Variants in CIB4 observed in about 807,000 individuals in gnomAD.
The protein encoded by CIB4 is calcium and integrin-binding family member 4.
A neutral mutation model predicts 25.8 loss-of-function variants in CIB4; 25 were observed. The ratio of observed to expected loss-of-function variants is 0.97; its 90% CI spans 0.71 to 1.35. The LOEUF is 1.35. Among genes scored for constraint, CIB4 ranks in the 40% most tolerant of loss-of-function variants. The pLI, the probability that CIB4 is intolerant of heterozygous loss-of-function variation, is 0.00. For synonymous variants in CIB4, 75 were observed against 81.4 expected (o/e 0.92, Z 0.42); for missense variants, 235 against 228.2 (o/e 1.03, Z -0.19).
chr2:26,585,245 G>A (rs1280706751), intron 4 of CIB4, among the ~76,000 whole-genome samples: 3 of 151,332 alleles, frequency 2.0e-5, no homozygotes, highest in Non-Finnish European at 4.4e-5. Flanking sequence ...GGGGAGCCAG[G>A]GACGGCGGCA....
chr2:26,621,678 G>A (rs1309126549), intron 3 of CIB4, among the ~76,000 whole-genome samples: 1 of 152,132 alleles, frequency 6.6e-6, no homozygotes, highest in Non-Finnish European at 1.5e-5. Context: ...CAAAAGAAGG[G>A]GAGTAAATGG....
intron 2 of CIB4, among the ~76,000 whole-genome samples, chr2:26,636,014 C>A (rs1669525940): frequency 6.6e-6 from 1 of 152,240 alleles, no homozygotes. Context: ...AGTTTGCAAG[C>A]ATTTTGCTAT....
At chr2:26,595,749 G>T (rs1668669647) in intron 3 of CIB4, among the ~76,000 whole-genome samples, 2 of 152,246 alleles carry the variant, frequency 1.3e-5, no homozygotes, top group South Asian at 4.1e-4. Context: ...CAGGCTCACT[G>T]CCCAAGCGCA....
At chr2:26,590,216 T>C (rs1037522563) in intron 4 of CIB4, among the ~76,000 whole-genome samples, 2 of 117,648 alleles carry the variant, frequency 1.7e-5, no homozygotes, top group Admixed American at 1.2e-4. Flanking sequence ...ACATACCCAA[T>C]ACCATTCCAT....
At chr2:26,603,288 A>G (rs1363811318) in intron 3 of CIB4, among the ~76,000 whole-genome samples, 2 of 152,348 alleles carry the variant, frequency 1.3e-5, no homozygotes, top group East Asian at 3.9e-4. Flanking sequence ...GGATCCTGAC[A>G]CAGATCAAAA....
At chr2:26,630,522 T>C (rs899505842) in intron 2 of CIB4, among the ~76,000 whole-genome samples, 6 of 152,136 alleles carry the variant, frequency 3.9e-5, no homozygotes, top group Non-Finnish European at 7.4e-5. Context: ...TGAAGGAGGC[T>C]GAAGGGTATG....
At chr2:26,623,035 A>C (rs56714320) in intron 3 of CIB4, among the ~76,000 whole-genome samples, 1 of 151,434 alleles carries the variant, frequency 6.6e-6, no homozygotes, top group Admixed American at 6.6e-5. Context: ...ACTAAAAAAA[A>C]TTTTTTTTAA....
At chr2:26,614,334 T>G (rs1342712491) in intron 3 of CIB4, among the ~76,000 whole-genome samples, 2 of 152,194 alleles carry the variant, frequency 1.3e-5, no homozygotes, top group African/African-American at 4.8e-5. Flanking sequence ...GCCGAGGGAC[T>G]GGATGAGCAT....
chr2:26,606,794 C>T (rs2148207290), intron 3 of CIB4, among the ~76,000 whole-genome samples: 1 of 152,284 alleles, frequency 6.6e-6, no homozygotes, highest in East Asian at 1.9e-4. Context: ...GTTTGAGATG[C>T]TCAACCTTCC....
In CIB4 at chr2:26,632,532, G is replaced by A. The variant is rs539273244; in HGVS notation, c.90-3026C>T. On this transcript the variant is annotated intron_variant, in intron 2 of 6. Coordinates refer to ENST00000288861, the MANE Select transcript of CIB4 (RefSeq NM_001029881.3). The stretch of plus-strand genomic sequence containing the variant: ...AGCACTATGGGAGGCTGAGGCAGGC[G>A]GATCACTGGAGGTCAGGAGTTCGAG... Among the ~76,000 whole-genome samples, 517 of 152,202 alleles carry A rather than the reference G, an allele frequency of 3.4e-3. 2 individuals carry two copies. The highest frequency in any genetic ancestry group is 5.8e-3 in the Non-Finnish European group (393 of 68,006).
At chr2:26,626,219 A>G (rs1396763643) in intron 3 of CIB4, among the ~76,000 whole-genome samples, 1 of 152,180 alleles carries the variant, frequency 6.6e-6, no homozygotes, top group Admixed American at 6.5e-5. Context: ...TCACTTGCCG[A>G]AGATCATGTG....
chr2:26,617,120 A>ATGTGTGTG (rs3220777), intron 3 of CIB4, among the ~76,000 whole-genome samples: 6,942 of 137,704 alleles, frequency 0.05, 315 homozygotes, highest in African/African-American at 0.12. Context: ...AGAGCATGGA[A>ATGTGTGTG]TGTGTGTGTG....
At chr2:26,606,668 G>C (rs1304448583) in intron 3 of CIB4, among the ~76,000 whole-genome samples, 2 of 152,150 alleles carry the variant, frequency 1.3e-5, no homozygotes, top group Non-Finnish European at 2.9e-5. Flanking sequence ...GGGGCGCTGG[G>C]GTCCAGGGAG....
intron 1 of CIB4, among the ~76,000 whole-genome samples, chr2:26,640,892 G>A (rs1260632704): frequency 2.0e-5 from 3 of 152,184 alleles, no homozygotes; most frequent in Non-Finnish European, 2.9e-5. Flanking sequence ...GGGCCACATG[G>A]ATGCAGATTT....
intron 3 of CIB4, among the ~76,000 whole-genome samples, chr2:26,616,135 C>A (rs1282477151): frequency 6.6e-6 from 1 of 152,182 alleles, no homozygotes; most frequent in Non-Finnish European, 1.5e-5. Flanking sequence ...CAACTCCCTC[C>A]TCAAACAGTT....
intron 3 of CIB4, among the ~76,000 whole-genome samples, chr2:26,621,248 C>A (rs1669198518): frequency 1.0e-5 from 1 of 99,196 alleles, no homozygotes; most frequent in Non-Finnish European, 1.8e-5. Flanking sequence ...CTACAAGTTT[C>A]CAGGAAAAAA....
At position 26,583,892 on chromosome 2, in the gene CIB4, T is replaced by C. The variant is rs768113107; in HGVS notation, c.335A>G (p.Asn112Ser). The C allele has an allele frequency of 6.2e-7, 1 of 1,607,888 alleles. No homozygotes were observed. The highest frequency in any genetic ancestry group is 1.1e-5 in the South Asian group (1 of 90,944). ...CTCCTCATCAATGAAGCCATTCTCA[T>C]TAAAATCTGCAAAGAAGAGGCCAGG... ...IEYAFRIYDF[N>S]ENGFIDEEDL... is the part of the protein sequence containing the mutation. Residue 112 changes from asparagine (N) to serine (S), a missense_variant, in exon 5 of 7, where the codon AAT (asparagine) becomes AGT (serine). Transcript: ENST00000288861.
At chr2:26,591,742 G>A (rs1668590285) in intron 4 of CIB4, among the ~76,000 whole-genome samples, 1 of 152,214 alleles carries the variant, frequency 6.6e-6, no homozygotes, top group Admixed American at 6.5e-5. Flanking sequence ...TCTTGCCAGT[G>A]GGGTGACTCA....
At chr2:26,584,017 G>T (rs561091186) in intron 4 of CIB4, 119 bp from the exon 5 acceptor site, 3 of 654,524 alleles carry the variant, frequency 4.6e-6, no homozygotes, top group Non-Finnish European at 8.2e-6. Flanking sequence ...ATTAGCCTCT[G>T]GGAGGCCCCC....
Sources: allele counts gnomAD v4.1 joint callset (sites outside exome capture counted in the v4.1 genomes callset), GRCh38; gene constraint gnomAD v4.1.1; transcripts MANE v1.5; gene names NCBI Gene and HGNC (gene_info 2026-07-23, HGNC 2026-07-21).